Variants in DCT observed in about 807,000 individuals in gnomAD.
The protein encoded by DCT is L-dopachrome tautomerase.
DCT carries 47 observed loss-of-function variants against 53.0 expected under a neutral mutation model. That is an observed-to-expected ratio of 0.89 (90% CI 0.70 to 1.13). The LOEUF (loss-of-function observed/expected upper bound fraction) is 1.13, where lower values mean the gene tolerates loss of function less well. DCT is among the 50% of genes most tolerant of loss of function. The probability of loss-of-function intolerance (pLI) is 0.00; values close to 1 mark genes in which losing one functional copy is unlikely to be tolerated. For missense variants in DCT, 669 were observed against 637.4 expected (o/e 1.05, Z -0.53); for synonymous variants, 244 against 237.0 (o/e 1.03, Z -0.27).
the DCT span, among the ~76,000 whole-genome samples, chr13:94,533,717 G>A: frequency 8.5e-5 from 13 of 152,106 alleles, no homozygotes; most frequent in African/African-American, 3.1e-4. Context: ...CCCAGGAGTT[G>A]GAGGTTGCAG....
the DCT span, among the ~76,000 whole-genome samples, chr13:94,547,769 T>A: frequency 6.6e-6 from 1 of 151,374 alleles, no homozygotes; most frequent in South Asian, 2.1e-4. Flanking sequence ...GCGGGTGGAT[T>A]ACTTGAGGTC....
At chr13:94,547,979 AAAAAAAT>A in the DCT span, among the ~76,000 whole-genome samples, 4 of 115,498 alleles carry the variant, frequency 3.5e-5, no homozygotes, top group African/African-American at 1.7e-4. Context: ...AAAAAAAAAA[AAAAAAAT>A]ATATATATAT....
the DCT span, among the ~76,000 whole-genome samples, chr13:94,548,112 G>A: frequency 6.6e-6 from 1 of 150,880 alleles, no homozygotes; most frequent in Non-Finnish European, 1.5e-5. Context: ...CACCTGTCTT[G>A]ACTACACATC....
the DCT span, among the ~76,000 whole-genome samples, chr13:94,496,507 A>G: frequency 3.3e-5 from 5 of 152,084 alleles, no homozygotes; most frequent in African/African-American, 1.2e-4. Flanking sequence ...TTCTGTCATT[A>G]TTAACATTAT....
At chr13:94,517,770 G>T in the DCT span, among the ~76,000 whole-genome samples, 1 of 152,148 alleles carries the variant, frequency 6.6e-6, no homozygotes. Flanking sequence ...GGCAAAGATC[G>T]GAATGATGCA....
intron 4 of DCT, among the ~76,000 whole-genome samples, chr13:94,464,128 A>T (rs937992478): frequency 6.6e-6 from 1 of 152,242 alleles, no homozygotes; most frequent in South Asian, 2.1e-4. Flanking sequence ...AGCACTGATG[A>T]TGTCCCTGCT....
chr13:94,533,820 A>G, the DCT span, among the ~76,000 whole-genome samples: 1 of 152,198 alleles, frequency 6.6e-6, no homozygotes, highest in Non-Finnish European at 1.5e-5. Context: ...AATGTCTCTT[A>G]CCAACTCAAT....
In DCT at chr13:94,479,432, AC is replaced by A; in HGVS notation, c.-178del. ...AGAATCACAGAGGTTACATGTGTGC[AC>A]ATGTGTACATGAACGTGCACACACA... On this transcript the variant is annotated 5_prime_UTR_variant, in exon 1 of 8. It removes an upstream start codon present in the reference 5' UTR. Coordinates refer to ENST00000377028, the MANE Select transcript of DCT (RefSeq NM_001922.5). The A allele has an allele frequency of 1.6e-6, 1 of 608,024 alleles. No homozygotes were observed. The highest frequency in any genetic ancestry group is 2.3e-5 in the South Asian group (1 of 43,956). The allele number at this position is 608,024 out of a possible 1,614,324, so 37.7% of individuals were successfully genotyped here.
At chr13:94,468,655 A>T (rs1884388485) in intron 2 of DCT, 91 bp downstream of exon 2, 1 of 1,162,656 alleles carries the variant, frequency 8.6e-7, no homozygotes, top group Non-Finnish European at 1.2e-6. Flanking sequence ...TGCTCTCTTA[A>T]TTAACTTGCA....
chr13:94,535,898 T>G, the DCT span, among the ~76,000 whole-genome samples: 461 of 152,268 alleles, frequency 3.0e-3, 2 homozygotes, highest in African/African-American at 0.011. Context: ...CTCCCAGGTT[T>G]CCCTCTTCGA....
the DCT span, among the ~76,000 whole-genome samples, chr13:94,547,823 C>T: frequency 2.6e-5 from 4 of 151,490 alleles, no homozygotes; most frequent in Non-Finnish European, 5.9e-5. Flanking sequence ...AAACCCATCT[C>T]TACAAAAAAT....
the DCT span, among the ~76,000 whole-genome samples, chr13:94,526,415 C>T: frequency 2.6e-5 from 4 of 152,052 alleles, no homozygotes; most frequent in South Asian, 2.1e-4. Context: ...GTGAAAGGAT[C>T]GCTTGAGCCT....
intron 1 of DCT, among the ~76,000 whole-genome samples, chr13:94,469,733 T>C (rs371917589): frequency 2.0e-5 from 3 of 152,170 alleles, no homozygotes; most frequent in Non-Finnish European, 4.4e-5. Context: ...GAACAGTTCA[T>C]TGATTTAGAG....
chr13:94,454,611 T>C (rs1454881923), intron 6 of DCT, among the ~76,000 whole-genome samples: 1 of 152,206 alleles, frequency 6.6e-6, no homozygotes, highest in Non-Finnish European at 1.5e-5. Flanking sequence ...TTGCTCATTA[T>C]TGTGATCACA....
At chr13:94,549,172 G>C in the DCT span, among the ~76,000 whole-genome samples, 1 of 152,274 alleles carries the variant, frequency 6.6e-6, no homozygotes, top group Non-Finnish European at 1.5e-5. Context: ...CCGCTCACCG[G>C]CAACGCCAGG....
the DCT span, among the ~76,000 whole-genome samples, chr13:94,522,235 A>G: frequency 6.6e-6 from 1 of 152,138 alleles, no homozygotes; most frequent in African/African-American, 2.4e-5. Flanking sequence ...AGGCAGACCC[A>G]CCCTTAATCT....
chr13:94,456,043 G>GA (rs1160746779), intron 6 of DCT, among the ~76,000 whole-genome samples: 1 of 152,166 alleles, frequency 6.6e-6, no homozygotes, highest in African/African-American at 2.4e-5. Context: ...ACGATAGCCA[G>GA]AAAAAATGAT....
chr13:94,442,765 A>G (rs1000840409), intron 7 of DCT, among the ~76,000 whole-genome samples: 1 of 152,240 alleles, frequency 6.6e-6, no homozygotes, highest in African/African-American at 2.4e-5. Flanking sequence ...GAACCTATCC[A>G]TCGCAGGTGG....
the DCT span, among the ~76,000 whole-genome samples, chr13:94,511,622 A>T: frequency 6.6e-6 from 1 of 152,032 alleles, no homozygotes; most frequent in Non-Finnish European, 1.5e-5. Flanking sequence ...GCCCTCCCAA[A>T]GTGCTAGGAT....
Sources: gnomAD v4.1 joint callset for allele counts (sites outside exome capture counted in the v4.1 genomes callset) on GRCh38, gnomAD v4.1.1 for gene constraint, MANE v1.5 for transcripts, NCBI Gene and HGNC (gene_info 2026-07-23, HGNC 2026-07-21) for gene names.